Variants in NTNG1 observed in about 807,000 individuals in gnomAD.
NTNG1 encodes netrin G1.
A neutral mutation model predicts 54.0 loss-of-function variants in NTNG1; 16 were observed. That is an observed-to-expected ratio of 0.30 (90% CI 0.20 to 0.45). The LOEUF is 0.45. NTNG1 is among the 20% of genes least tolerant of loss of function. The pLI is 1.00. For synonymous variants in NTNG1, 255 were observed against 263.1 expected, an observed-to-expected ratio of 0.97 and a Z score of 0.30; for missense variants, 530 against 678.7, an observed-to-expected ratio of 0.78 and a Z score of 2.43.
chr1:107,369,206 A>T (rs1670774599), intron 3 of NTNG1, among the ~76,000 whole-genome samples: 1 of 152,194 alleles, frequency 6.6e-6, no homozygotes, highest in South Asian at 2.1e-4. Flanking sequence ...TAATGCTGTT[A>T]TGAACATTCA....
At chr1:107,470,615 T>C (rs1258544278) in intron 7 of NTNG1, among the ~76,000 whole-genome samples, 1 of 152,246 alleles carries the variant, frequency 6.6e-6, no homozygotes, top group Non-Finnish European at 1.5e-5. Flanking sequence ...TTTACCCTGA[T>C]ATGTGTTGCC....
intron 3 of NTNG1, among the ~76,000 whole-genome samples, chr1:107,365,357 G>C (rs1311402810): frequency 6.6e-6 from 1 of 152,092 alleles, no homozygotes; most frequent in Non-Finnish European, 1.5e-5. Flanking sequence ...GATAACCAAA[G>C]GGTCACCAAT....
chr1:107,452,852 T>C (rs1197129927), intron 7 of NTNG1, among the ~76,000 whole-genome samples: 2 of 152,226 alleles, frequency 1.3e-5, no homozygotes, highest in Admixed American at 6.5e-5. Flanking sequence ...TCAGGTATTC[T>C]GCTATAGCAA....
At chr1:107,480,080 C>G (rs180959557) in intron 7 of NTNG1, among the ~76,000 whole-genome samples, 1 of 152,004 alleles carries the variant, frequency 6.6e-6, no homozygotes, top group South Asian at 2.1e-4. Flanking sequence ...GTGTCCCCAC[C>G]CCTCCTCATC....
intron 5 of NTNG1, chr1:107,421,076 C>G (rs1313017670): frequency 6.2e-7 from 1 of 1,600,668 alleles, no homozygotes; most frequent in Non-Finnish European, 8.5e-7. Flanking sequence ...TCTTTTAAAC[C>G]TATCCAGTTG....
intron 2 of NTNG1, among the ~76,000 whole-genome samples, chr1:107,249,800 A>G (rs915578033): frequency 1.3e-5 from 2 of 152,244 alleles, no homozygotes; most frequent in East Asian, 1.9e-4. Context: ...AATAAAAACT[A>G]TGGGACTAAC....
At position 107,482,406 on chromosome 1, in the gene NTNG1, C is replaced by T. The variant is rs1461379573; in HGVS notation, c.*1566C>T. 6.6e-6 allele frequency: 1 copy of T among 152,172 alleles called. No individual in the cohort carries two copies. The highest frequency in any genetic ancestry group is 1.5e-5 in the Non-Finnish European group (1 of 68,036). The allele number at this position is 152,172 out of a possible 1,614,324, so 9.4% of individuals were successfully genotyped here. A position where few individuals can be genotyped will look rare whatever the true frequency, so the allele number is the denominator to read the frequency against. On this transcript the variant is annotated 3_prime_UTR_variant, in exon 8 of 8. Coordinates refer to ENST00000370068, the MANE Select transcript of NTNG1 (RefSeq NM_001113226.3). ...AATAAAGTTTGTTTTAAGTGCTGCC[C>T]AAGGTGTAATAAATTCTTGTTTCTG...
At chr1:107,443,016 A>G (rs953106282) in intron 7 of NTNG1, among the ~76,000 whole-genome samples, 15 of 152,148 alleles carry the variant, frequency 9.9e-5, no homozygotes, top group African/African-American at 2.7e-4. Context: ...AGAAGTTCCA[A>G]TAGAAGCTGA....
chr1:107,157,507 A>G (rs1192157666), intron 2 of NTNG1, among the ~76,000 whole-genome samples: 3 of 152,188 alleles, frequency 2.0e-5, no homozygotes, highest in African/African-American at 7.2e-5. Flanking sequence ...TCTTACACTA[A>G]AAGGCCTTAG....
At chr1:107,290,899 A>G (rs980674280) in intron 2 of NTNG1, among the ~76,000 whole-genome samples, 2 of 150,276 alleles carry the variant, frequency 1.3e-5, no homozygotes, top group African/African-American at 2.4e-5. Flanking sequence ...GGGTTACTCA[A>G]TGAATTAGAT....
chr1:107,250,651 C>T (rs13374574), intron 2 of NTNG1, among the ~76,000 whole-genome samples: 5,614 of 152,200 alleles, frequency 0.037, 334 homozygotes, highest in African/African-American at 0.13. Context: ...AGCTGTAATA[C>T]CTTTGCAAAA....
chr1:107,465,644 G>C (rs1282119089), intron 7 of NTNG1, among the ~76,000 whole-genome samples: 1 of 152,190 alleles, frequency 6.6e-6, no homozygotes, highest in African/African-American at 2.4e-5. Flanking sequence ...AATGGGTGGA[G>C]AGTTTAGGGA....
At chr1:107,477,349 G>A (rs188078402) in intron 7 of NTNG1, among the ~76,000 whole-genome samples, 2 of 152,312 alleles carry the variant, frequency 1.3e-5, no homozygotes, top group Admixed American at 1.3e-4. Context: ...GGCCGTTGCT[G>A]GGCAGTACTG....
chr1:107,190,824 C>T (rs927769676), intron 2 of NTNG1, among the ~76,000 whole-genome samples: 4 of 152,094 alleles, frequency 2.6e-5, no homozygotes, highest in East Asian at 1.9e-4. Flanking sequence ...TCCAGTCTAT[C>T]GTTGTTGGAC....
chr1:107,334,756 C>T lies in NTNG1; in HGVS notation c.887+9834C>T, dbSNP rs576590728. On this transcript the variant is annotated intron_variant, in intron 3 of 7. Coordinates refer to ENST00000370068, the MANE Select transcript of NTNG1 (RefSeq NM_001113226.3). ...AACTTTCAGTTTACTCACTGATCTG[C>T]GTCCCGTGCCTACAACTAGGCCTGG... 9.4e-4 allele frequency among the ~76,000 whole-genome samples: 143 copies of T among 152,152 alleles called. 1 individual carries two copies. Among genetic ancestry groups the T allele is most frequent in the African/African-American group, 3.3e-3 (139 of 41,538 alleles).
chr1:107,247,933 G>A (rs1330171037), intron 2 of NTNG1, among the ~76,000 whole-genome samples: 2 of 152,224 alleles, frequency 1.3e-5, no homozygotes, highest in African/African-American at 4.8e-5. Flanking sequence ...AAAGTGGATG[G>A]AGAGGCTCAG....
chr1:107,417,018 A>G (rs1293829520), intron 5 of NTNG1, among the ~76,000 whole-genome samples: 2 of 152,138 alleles, frequency 1.3e-5, no homozygotes, highest in African/African-American at 2.4e-5. Context: ...ACAAATTTAT[A>G]GTTTTTCAAA....
chr1:107,333,449 A>G (rs1348902562), intron 3 of NTNG1, among the ~76,000 whole-genome samples: 2 of 152,048 alleles, frequency 1.3e-5, no homozygotes, highest in Non-Finnish European at 2.9e-5. Flanking sequence ...ATGTATATTC[A>G]TATATTAAAG....
chr1:107,238,244 G>T (rs1232602101), intron 2 of NTNG1, among the ~76,000 whole-genome samples: 2 of 152,098 alleles, frequency 1.3e-5, no homozygotes, highest in Admixed American at 6.6e-5. Context: ...ACTTGCATGG[G>T]GTCTATAGCC....
Sources: gnomAD v4.1 joint callset for allele counts (sites outside exome capture counted in the v4.1 genomes callset) on GRCh38, gnomAD v4.1.1 for gene constraint, MANE v1.5 for transcripts, NCBI Gene and HGNC (gene_info 2026-07-23, HGNC 2026-07-21) for gene names.